Variants in IMMP2L observed in about 807,000 individuals in gnomAD.
IMMP2L encodes the protein inner mitochondrial membrane peptidase subunit 2.
Under a neutral mutation model 19.3 loss-of-function variants are expected in IMMP2L, and 18 were observed. The ratio of observed to expected loss-of-function variants is 0.93; its 90% CI spans 0.64 to 1.38. The LOEUF is 1.38. IMMP2L is among the 40% of genes most tolerant of loss of function. The probability of loss-of-function intolerance (pLI) is 0.00; values close to 1 mark genes in which losing one functional copy is unlikely to be tolerated. For missense variants in IMMP2L, 233 were observed against 218.2 expected (o/e 1.07, Z -0.43); for synonymous variants, 76 against 73.0 (o/e 1.04, Z -0.21).
chr7:111,350,368 T>C (rs765433610), intron 3 of IMMP2L, among the ~76,000 whole-genome samples: 21 of 147,636 alleles, frequency 1.4e-4, no homozygotes, highest in Non-Finnish European at 2.8e-4. Context: ...TATATATATA[T>C]AGTTGGACTT....
intron 2 of IMMP2L, among the ~76,000 whole-genome samples, chr7:111,500,441 C>A (rs957468559): frequency 1.3e-5 from 2 of 152,136 alleles, no homozygotes; most frequent in Non-Finnish European, 2.9e-5. Context: ...CCCTGTCTGA[C>A]AGCTTTGAAG....
chr7:110,667,342 T>C lies in IMMP2L; in HGVS notation c.409-3621A>G, dbSNP rs774544328. On this transcript the variant is annotated intron_variant, in intron 5 of 5. Coordinates refer to ENST00000405709, the MANE Select transcript of IMMP2L (RefSeq NM_032549.4). ...TTACATCATTCAAAAGTTAAGATTATTTTTTAAAGATGTGGTAGGCAGAAT... is the reference window on the plus strand; with the variant it reads ...TTACATCATTCAAAAGTTAAGATTACTTTTTAAAGATGTGGTAGGCAGAAT... 5.4e-4 allele frequency among the ~76,000 whole-genome samples: 82 copies of C among 152,346 alleles called. 1 individual carries two copies. The highest frequency in any genetic ancestry group is 9.3e-4 in the Non-Finnish European group (63 of 68,040).
At chr7:111,433,620 G>A (rs993490253) in intron 3 of IMMP2L, among the ~76,000 whole-genome samples, 2 of 151,670 alleles carry the variant, frequency 1.3e-5, no homozygotes, top group Non-Finnish European at 1.5e-5. Context: ...TGAGATTTGG[G>A]TGGGGACACA....
intron 3 of IMMP2L, among the ~76,000 whole-genome samples, chr7:111,425,327 T>C (rs1835967732): frequency 6.9e-6 from 1 of 144,884 alleles, no homozygotes; most frequent in Admixed American, 6.9e-5. Flanking sequence ...TTGATAGAGA[T>C]TAGGGTTACA....
At chr7:110,683,191 G>A (rs1181194941) in intron 5 of IMMP2L, among the ~76,000 whole-genome samples, 1 of 151,984 alleles carries the variant, frequency 6.6e-6, no homozygotes, top group African/African-American at 2.4e-5. Context: ...TTCAGGTAGT[G>A]CAGTTATACA....
At chr7:111,120,204 G>A (rs1342790017) in intron 3 of IMMP2L, among the ~76,000 whole-genome samples, 3 of 152,108 alleles carry the variant, frequency 2.0e-5, no homozygotes, top group Admixed American at 6.6e-5. Flanking sequence ...GTTACTGATT[G>A]CATTAATCCG....
chr7:111,401,678 G>A (rs1352450030), intron 3 of IMMP2L, among the ~76,000 whole-genome samples: 1 of 152,038 alleles, frequency 6.6e-6, no homozygotes, highest in Non-Finnish European at 1.5e-5. Context: ...CACGAAGTCT[G>A]ATTGAGAAAA....
chr7:111,378,454 C>A (rs1830894785), intron 3 of IMMP2L, among the ~76,000 whole-genome samples: 1 of 151,864 alleles, frequency 6.6e-6, no homozygotes, highest in African/African-American at 2.4e-5. Context: ...AATAATACTT[C>A]ACATTTATTA....
At chr7:111,256,128 G>A (rs1816671428) in intron 3 of IMMP2L, among the ~76,000 whole-genome samples, 1 of 151,912 alleles carries the variant, frequency 6.6e-6, no homozygotes, top group African/African-American at 2.4e-5. Context: ...TTAGTTGTTT[G>A]ATTTAGATAG....
chr7:111,087,809 A>G (rs1356125089), intron 3 of IMMP2L, among the ~76,000 whole-genome samples: 1 of 152,186 alleles, frequency 6.6e-6, no homozygotes, highest in African/African-American at 2.4e-5. Context: ...GAGGAAAACA[A>G]TGACCATGAT....
chr7:111,428,800 T>C (rs1292826733), intron 3 of IMMP2L, among the ~76,000 whole-genome samples: 1 of 151,808 alleles, frequency 6.6e-6, no homozygotes, highest in Non-Finnish European at 1.5e-5. Flanking sequence ...CACAAACAAA[T>C]ATGTACATAC....
intron 1 of IMMP2L, among the ~76,000 whole-genome samples, chr7:111,544,047 A>G (rs1376965955): frequency 6.6e-6 from 1 of 152,178 alleles, no homozygotes; most frequent in Non-Finnish European, 1.5e-5. Context: ...CAAATTCTAT[A>G]CTTAAAATTA....
chr7:110,714,140 A>T (rs1471847535), intron 5 of IMMP2L, among the ~76,000 whole-genome samples: 10 of 151,994 alleles, frequency 6.6e-5, no homozygotes, highest in Admixed American at 6.6e-4. Context: ...TCATGAAGAG[A>T]TGTTGGATTT....
intron 5 of IMMP2L, among the ~76,000 whole-genome samples, chr7:110,672,580 G>T (rs895385626): frequency 6.6e-6 from 1 of 152,112 alleles, no homozygotes; most frequent in African/African-American, 2.4e-5. Context: ...CCGCCTATGA[G>T]CCTGTAAAAT....
chr7:111,321,652 T>G (rs888931880), intron 3 of IMMP2L, among the ~76,000 whole-genome samples: 5 of 152,000 alleles, frequency 3.3e-5, no homozygotes, highest in African/African-American at 9.7e-5. Context: ...CTTGCTTTAC[T>G]ATATAGCTAT....
chr7:111,445,452 G>C (rs1563200400), intron 3 of IMMP2L, among the ~76,000 whole-genome samples: 1 of 151,848 alleles, frequency 6.6e-6, no homozygotes, highest in African/African-American at 2.4e-5. Context: ...GTTTAAACTG[G>C]TTTGGCCTTC....
intron 3 of IMMP2L, among the ~76,000 whole-genome samples, chr7:111,013,818 C>G (rs1241602311): frequency 2.0e-5 from 3 of 151,954 alleles, no homozygotes; most frequent in Non-Finnish European, 4.4e-5. Context: ...ATTAAGTAGA[C>G]TGCTTATTTT....
intron 4 of IMMP2L, among the ~76,000 whole-genome samples, chr7:110,955,501 C>G (rs559790907): frequency 1.3e-5 from 2 of 151,748 alleles, no homozygotes; most frequent in South Asian, 4.1e-4. Context: ...TATTAAACAG[C>G]AGCATCGGTC....
At chr7:110,849,678 G>T (rs1585023289) in intron 5 of IMMP2L, among the ~76,000 whole-genome samples, 1 of 152,092 alleles carries the variant, frequency 6.6e-6, no homozygotes. Context: ...AAGTGAAATA[G>T]ATGCTACCTT....
Sources: allele counts gnomAD v4.1 joint callset (sites outside exome capture counted in the v4.1 genomes callset), GRCh38; gene constraint gnomAD v4.1.1; transcripts MANE v1.5; gene names NCBI Gene and HGNC (gene_info 2026-07-23, HGNC 2026-07-21).